RBMS3: variants seen among roughly 807,000 people sequenced by gnomAD.
The protein encoded by RBMS3 is RNA binding motif single stranded interacting protein 3, also known as RNA-binding motif, single-stranded-interacting protein 3.
A neutral mutation model predicts 66.8 loss-of-function variants in RBMS3; 27 were observed. The observed-to-expected ratio is 0.40, with a 90% CI of 0.30 to 0.56. RBMS3 has a LOEUF of 0.56. Ranked by LOEUF, RBMS3 falls within the 20% of genes least tolerant of loss-of-function variation. The pLI, the probability that RBMS3 is intolerant of heterozygous loss-of-function variation, is 0.40. For synonymous variants in RBMS3, 188 were observed against 183.0 expected (o/e 1.03, Z -0.22); for missense variants, 513 against 549.5 (o/e 0.93, Z 0.66).
intron 1 of RBMS3, among the ~76,000 whole-genome samples, chr3:29,404,558 C>T (rs2039936877): frequency 6.6e-6 from 1 of 152,080 alleles, no homozygotes; most frequent in South Asian, 2.1e-4. Flanking sequence ...TTAATTGCAA[C>T]ACTATTTTCA....
At chr3:29,577,526 T>C (rs549991211) in intron 3 of RBMS3, among the ~76,000 whole-genome samples, 105 of 152,288 alleles carry the variant, frequency 6.9e-4, no homozygotes, top group African/African-American at 2.4e-3. Context: ...TTTCAGAGTT[T>C]ACCTAGGTCC....
chr3:29,667,173 C>A (rs2050800950), intron 4 of RBMS3, among the ~76,000 whole-genome samples: 1 of 152,142 alleles, frequency 6.6e-6, no homozygotes, highest in African/African-American at 2.4e-5. Context: ...GATAATTGGA[C>A]AAGCTATGGC....
intron 2 of RBMS3, among the ~76,000 whole-genome samples, chr3:29,461,999 A>G (rs895404705): frequency 1.1e-4 from 14 of 132,524 alleles, no homozygotes; most frequent in Non-Finnish European, 1.8e-4. Context: ...GATGGTCTCG[A>G]TCTCCTGACC....
chr3:29,560,113 C>CA (rs2046497108), intron 3 of RBMS3, among the ~76,000 whole-genome samples: 4 of 151,960 alleles, frequency 2.6e-5, no homozygotes, highest in Non-Finnish European at 5.9e-5. Flanking sequence ...ACAATATGGG[C>CA]AAAAAATGAT....
intron 4 of RBMS3, among the ~76,000 whole-genome samples, chr3:29,691,289 G>A (rs979141975): frequency 2.0e-5 from 3 of 152,152 alleles, no homozygotes; most frequent in Admixed American, 6.5e-5. Context: ...GCCACAAAGC[G>A]TCAAGAAGAA....
intron 6 of RBMS3, among the ~76,000 whole-genome samples, chr3:29,769,129 A>G (rs1267850151): frequency 6.6e-6 from 1 of 151,928 alleles, no homozygotes; most frequent in African/African-American, 2.4e-5. Context: ...ATGAAGGTGA[A>G]CATTAGAGGT....
chr3:29,927,586 T>C (rs1439716227), intron 10 of RBMS3, among the ~76,000 whole-genome samples: 1 of 152,140 alleles, frequency 6.6e-6, no homozygotes, highest in African/African-American at 2.4e-5. Flanking sequence ...TTCCCCAGAA[T>C]TTAGTATTTG....
intron 4 of RBMS3, among the ~76,000 whole-genome samples, chr3:29,632,728 G>C (rs2049329328): frequency 6.6e-6 from 1 of 151,816 alleles, no homozygotes; most frequent in Non-Finnish European, 1.5e-5. Flanking sequence ...TTCTTTGAAC[G>C]AGATTTATGA....
intron 10 of RBMS3, among the ~76,000 whole-genome samples, chr3:29,927,781 G>T (rs913099448): frequency 5.3e-5 from 8 of 152,106 alleles, no homozygotes; most frequent in Admixed American, 2.0e-4. Context: ...TGTGATCCTC[G>T]TAGATTATGT....
At chr3:29,360,430 G>T (rs570565097) in intron 1 of RBMS3, among the ~76,000 whole-genome samples, 2 of 152,052 alleles carry the variant, frequency 1.3e-5, no homozygotes, top group East Asian at 3.9e-4. Context: ...TGTGCTTTCT[G>T]TTCTTTTACA....
At chr3:29,502,404 G>A (rs1342531588) in intron 3 of RBMS3, among the ~76,000 whole-genome samples, 2 of 152,022 alleles carry the variant, frequency 1.3e-5, no homozygotes, top group African/African-American at 4.8e-5. Flanking sequence ...ATCCCAATAA[G>A]TAAGACTAGA....
intron 7 of RBMS3, among the ~76,000 whole-genome samples, chr3:29,873,999 A>C (rs1219215526): frequency 7.9e-5 from 12 of 152,170 alleles, no homozygotes; most frequent in Admixed American, 7.2e-4. Flanking sequence ...ATGCTAATGT[A>C]AAGTATGTGC....
Position 29,489,738 on chromosome 3 carries a change from G to A in RBMS3, c.307+1239G>A, listed in dbSNP as rs1421182418. ...TGTAATTGAGTAGACCCACGTAGCT[G>A]TAAAAAAAAAAAAAAAAAAAGTACT... On this transcript the variant is annotated intron_variant, in intron 3 of 14. Coordinates refer to ENST00000383767, the MANE Select transcript of RBMS3 (RefSeq NM_001003793.3). 8.6e-5 allele frequency among the ~76,000 whole-genome samples: 8 copies of A among 92,878 alleles called. 1 individual carries two copies. In the South Asian group the frequency reaches 2.1e-3, roughly 25 times the overall value. The allele number at this position is 92,878 out of a possible 152,430, so 60.9% of individuals were successfully genotyped here. A position where few individuals can be genotyped will look rare whatever the true frequency, so the allele number is the denominator to read the frequency against.
intron 1 of RBMS3, among the ~76,000 whole-genome samples, chr3:29,303,967 A>C (rs1423866158): frequency 1.3e-5 from 2 of 151,934 alleles, no homozygotes; most frequent in African/African-American, 2.4e-5. Context: ...ATCAGCTCTC[A>C]TGAGACTTAT....
chr3:29,473,862 C>A (rs1453906917), intron 2 of RBMS3, among the ~76,000 whole-genome samples: 3 of 152,252 alleles, frequency 2.0e-5, no homozygotes, highest in African/African-American at 7.2e-5. Context: ...GCGCGCAGCC[C>A]CGGTTCCCGC....
intron 12 of RBMS3, among the ~76,000 whole-genome samples, chr3:29,985,169 T>G (rs1559862975): frequency 6.6e-6 from 1 of 152,188 alleles, no homozygotes; most frequent in Non-Finnish European, 1.5e-5. Context: ...TCAGCAGCTT[T>G]GTTTACACTG....
chr3:29,567,251 A>G (rs1230188822), intron 3 of RBMS3, among the ~76,000 whole-genome samples: 2 of 152,184 alleles, frequency 1.3e-5, no homozygotes, highest in Non-Finnish European at 2.9e-5. Flanking sequence ...TTATATTTAC[A>G]TCCTGACTGG....
intron 2 of RBMS3, among the ~76,000 whole-genome samples, chr3:29,479,017 A>G (rs79822644): frequency 0.017 from 2,513 of 152,252 alleles, 66 homozygotes; most frequent in African/African-American, 0.057. Flanking sequence ...ACTTAATTTT[A>G]TCTGAGCTTA....
At chr3:29,763,442 G>A (rs932410074) in intron 6 of RBMS3, among the ~76,000 whole-genome samples, 3 of 151,978 alleles carry the variant, frequency 2.0e-5, no homozygotes, top group African/African-American at 7.2e-5. Context: ...CTAGTATAGC[G>A]ATTTGACAAT....
Sources: allele counts gnomAD v4.1 joint callset (sites outside exome capture counted in the v4.1 genomes callset), GRCh38; gene constraint gnomAD v4.1.1; transcripts MANE v1.5; gene names NCBI Gene and HGNC (gene_info 2026-07-23, HGNC 2026-07-21).